Variants in ZNF732 observed in about 807,000 individuals in gnomAD.
ZNF732 encodes zinc finger protein 732, also known as zinc finger protein LOC654254.
Under a neutral mutation model 11.5 loss-of-function variants are expected in ZNF732, and 12 were observed. That is an observed-to-expected ratio of 1.05 (90% confidence interval 0.67 to 1.70). ZNF732 has a LOEUF of 1.70. ZNF732 is among the 40% of genes most tolerant of loss of function. The pLI, the probability that ZNF732 is intolerant of heterozygous loss-of-function variation, is 0.00. For missense variants in ZNF732, 702 were observed against 676.9 expected (o/e 1.04, Z -0.41); for synonymous variants, 231 against 236.5 (o/e 0.98, Z 0.21).
chr4:302,244 G>A (rs1553843720), intron 1 of ZNF732, among the ~76,000 whole-genome samples: 1 of 152,062 alleles, frequency 6.6e-6, no homozygotes, highest in Admixed American at 6.5e-5. Flanking sequence ...ATTCTGGACA[G>A]TGTGAGGAAA....
At chr4:295,936 C>A in intron 2 of ZNF732, 93 bp downstream of exon 2, 2 of 1,447,720 alleles carry the variant, frequency 1.4e-6, no homozygotes, top group Non-Finnish European at 1.9e-6. Flanking sequence ...GAAATTCACA[C>A]AAAGCAGAAG....
chr4:302,672 A>G (rs1720141399), intron 1 of ZNF732, among the ~76,000 whole-genome samples: 1 of 152,242 alleles, frequency 6.6e-6, no homozygotes, highest in African/African-American at 2.4e-5. Flanking sequence ...GTCCTAGATA[A>G]AGACAAGTTT....
chr4:278,707 T>G (rs545290596), intron 3 of ZNF732, among the ~76,000 whole-genome samples: 1 of 152,280 alleles, frequency 6.6e-6, no homozygotes, highest in East Asian at 1.9e-4. Flanking sequence ...AACAACTCAT[T>G]ACAAAAAGAG....
At chr4:299,450 TAC>T (rs1560165250) in intron 1 of ZNF732, among the ~76,000 whole-genome samples, 5 of 72,692 alleles carry the variant, frequency 6.9e-5, no homozygotes, top group Non-Finnish European at 1.4e-4. Context: ...TATATATATA[TAC>T]ACATATGTGT....
At chr4:300,279 G>A (rs1475214955) in intron 1 of ZNF732, among the ~76,000 whole-genome samples, 4 of 150,360 alleles carry the variant, frequency 2.7e-5, no homozygotes, top group South Asian at 2.1e-4. Flanking sequence ...TGGCTAACAC[G>A]GTGAAACCCC....
At chr4:296,258 T>C in intron 1 of ZNF732, 103 bp from the exon 2 acceptor site, 1 of 1,455,792 alleles carries the variant, frequency 6.9e-7, no homozygotes, top group Non-Finnish European at 9.3e-7. Flanking sequence ...GATTATCTGA[T>C]AAAATAACTT....
In ZNF732 at chr4:299,417, A is replaced by G. The variant is rs560312885; in HGVS notation, c.4-3262T>C. Among the ~76,000 whole-genome samples, 846 of 87,486 alleles carry G rather than the reference A, an allele frequency of 9.7e-3. 12 individuals carry two copies. The highest frequency in any genetic ancestry group is 0.021 in the Middle Eastern group (3 of 140). 57.4% of individuals were successfully genotyped at this position (87,486 alleles called of 152,430 possible). ...TACACATATGTGTATATATATATAC[A>G]CATATATACACATATGTGTATATAT... is the stretch of plus-strand genomic sequence containing the variant. On this transcript the variant is annotated intron_variant, in intron 1 of 3. Transcript: ENST00000419098.
rs192849812 is a variant in ZNF732, at chr4:285,203, A to G, written c.226+10235T>C. On this transcript the variant is annotated intron_variant, in intron 3 of 3. Transcript: ENST00000419098. ...TGTGAGGGAAAAAAAAATGCAGAATAAGAAAAGATGTTATCAAGAACCCAA... is the reference window on the plus strand; with the variant it reads ...TGTGAGGGAAAAAAAAATGCAGAATGAGAAAAGATGTTATCAAGAACCCAA... Among the ~76,000 whole-genome samples the G allele has an allele frequency of 1.4e-4, 22 of 152,240 alleles. No homozygotes were observed. The East Asian group carries it at 3.3e-3, about 23-fold the overall frequency.
Position 272,007 on chromosome 4 carries a change from CA to C in ZNF732, c.849del (p.Cys283TrpfsTer67). ...AEEKPFTCEECGKIITSSSNV... is the reference protein window; with the variant it reads ...AEEKPFTCEEXGKIITSSSNV... Reference sequence around the variant, plus strand: ...TTTGAGGATGAGGTAATGATTTTGCCACATTCTTCACATGTGAAGGGTTTCT... The same window carrying C: ...TTTGAGGATGAGGTAATGATTTTGCCCATTCTTCACATGTGAAGGGTTTCT... On this transcript the variant is annotated frameshift_variant, in exon 4 of 4. Transcript: ENST00000419098. LOFTEE classifies it low-confidence loss of function (END_TRUNC). 6.2e-7 allele frequency: 1 copy of C among 1,608,592 alleles called. No homozygotes were observed. The highest frequency in any genetic ancestry group is 8.5e-7 in the Non-Finnish European group (1 of 1,177,218).
Position 270,760 on chromosome 4 carries a change from C to A in ZNF732, c.*339G>T. The A allele has an allele frequency of 2.1e-6, 1 of 479,116 alleles. No individual in the cohort carries two copies. Among genetic ancestry groups the A allele is most frequent in the Non-Finnish European group, 4.0e-6 (1 of 251,424 alleles). The allele number at this position is 479,116 out of a possible 1,614,324, so 29.7% of individuals were successfully genotyped here. ...TTTATAGGCTTTCCCACATTCTTTA[C>A]ATTTGTAGGATTCATCTCCCATATG... On this transcript the variant is annotated 3_prime_UTR_variant, in exon 4 of 4. Transcript: ENST00000419098.
rs144087243 is a variant in ZNF732 at position 271,439 on chromosome 4, G to C, written c.1418C>G (p.Pro473Arg). ...TTTGCCACACTCTTCACATCTATAAGGTTTCTCTCCAGTATGAATTTTCTT... is the reference window on the plus strand; with the variant it reads ...TTTGCCACACTCTTCACATCTATAACGTTTCTCTCCAGTATGAATTTTCTT... ...KHKKIHTGEKPYRCEECGKAF... is the reference protein window; with the variant it reads ...KHKKIHTGEKRYRCEECGKAF... Residue 473 changes from proline (P) to arginine (R), a missense_variant, in exon 4 of 4, where the codon CCT (proline) becomes CGT (arginine). Pro to Arg is a moderately radical substitution (Grantham distance 103). Around this residue, in one of 3 missense-constraint regions of ZNF732, gnomAD observed 596 missense variants for 557.9 expected, o/e 1.07. Coordinates refer to ENST00000419098, the MANE Select transcript of ZNF732 (RefSeq NM_001137608.3). 4.8e-4 allele frequency: 778 copies of C among 1,604,246 alleles called. 13 individuals carry two copies. The East Asian group carries it at 0.014, about 30-fold the overall frequency.
chr4:283,769 A>T (rs782280695), intron 3 of ZNF732, among the ~76,000 whole-genome samples: 1 of 152,194 alleles, frequency 6.6e-6, no homozygotes, highest in Admixed American at 6.5e-5. Flanking sequence ...TATATATAGA[A>T]CATTTCATCC....
At chr4:282,133 A>C (rs1719630949) in intron 3 of ZNF732, among the ~76,000 whole-genome samples, 1 of 152,214 alleles carries the variant, frequency 6.6e-6, no homozygotes, top group Non-Finnish European at 1.5e-5. Flanking sequence ...AAGTCATTTG[A>C]AAGTTCGTAA....
intron 3 of ZNF732, among the ~76,000 whole-genome samples, chr4:294,360 A>G (rs1553841850): frequency 6.6e-6 from 1 of 152,214 alleles, no homozygotes. Context: ...TCTATCAACA[A>G]TGTAAGAGTT....
At chr4:294,401 T>G (rs1279278605) in intron 3 of ZNF732, among the ~76,000 whole-genome samples, 1 of 152,240 alleles carries the variant, frequency 6.6e-6, no homozygotes, top group East Asian at 1.9e-4. Context: ...TATTTAGGTG[T>G]GTGTGAGAGA....
At chr4:277,613 G>A (rs546364164) in intron 3 of ZNF732, among the ~76,000 whole-genome samples, 2 of 151,048 alleles carry the variant, frequency 1.3e-5, no homozygotes, top group African/African-American at 4.9e-5. Flanking sequence ...AAAAAAAAAT[G>A]TTAGTGAGAA....
intron 1 of ZNF732, among the ~76,000 whole-genome samples, chr4:300,239 G>C (rs1553843413): frequency 6.6e-6 from 1 of 150,578 alleles, no homozygotes; most frequent in African/African-American, 2.4e-5. Flanking sequence ...GAGGCAGAGG[G>C]ATCAAGAGGT....
Position 299,466 on chromosome 4 carries a change from TATATATACAC to T in ZNF732, c.4-3321_4-3312del, listed in dbSNP as rs1720054215. ...ATATATATATACACATATGTGTATA[TATATATACAC>T]ATATATACACATATGTGTGTATATA... On this transcript the variant is annotated intron_variant, in intron 1 of 3. Transcript: ENST00000419098. Among the ~76,000 whole-genome samples the T allele has an allele frequency of 8.6e-5, 7 of 81,826 alleles. 3 individuals carry two copies. Among genetic ancestry groups the T allele is most frequent in the African/African-American group, 2.0e-4 (5 of 24,648 alleles). 53.7% of individuals were successfully genotyped at this position (81,826 alleles called of 152,430 possible).
chr4:299,540 TAC>T (rs1463773686), intron 1 of ZNF732, among the ~76,000 whole-genome samples: 1 of 135,400 alleles, frequency 7.4e-6, no homozygotes, highest in East Asian at 2.0e-4. Context: ...TATACATATA[TAC>T]ACATATATAT....
Sources: allele counts gnomAD v4.1 joint callset (sites outside exome capture counted in the v4.1 genomes callset), GRCh38; gene constraint gnomAD v4.1.1; regional missense constraint gnomAD v4.1.1; transcripts MANE v1.5; gene names NCBI Gene and HGNC (gene_info 2026-07-23, HGNC 2026-07-21).